Variants in PCBD2 observed in about 807,000 individuals in gnomAD.
PCBD2 encodes the protein pterin-4 alpha-carbinolamine dehydratase 2.
PCBD2 carries 12 observed loss-of-function variants against 16.4 expected under a neutral mutation model. The observed-to-expected ratio is 0.73, with a 90% CI of 0.47 to 1.19. PCBD2 has a LOEUF of 1.19. Ranked by LOEUF, PCBD2 falls within the 50% of genes most tolerant of loss-of-function variation. The pLI, the probability that PCBD2 is intolerant of heterozygous loss-of-function variation, is 0.00. For missense variants in PCBD2, 138 were observed against 156.8 expected (o/e 0.88, Z 0.64); for synonymous variants, 58 against 61.8 (o/e 0.94, Z 0.29).
intron 2 of PCBD2, 104 bp from the exon 3 acceptor site, chr5:134,958,936 A>C: frequency 6.2e-6 from 5 of 802,310 alleles, no homozygotes; most frequent in Non-Finnish European, 8.1e-6. Context: ...AGGCTTCCCT[A>C]AGGATCCTTG....
chr5:134,906,143 G>A (rs1489758470), intron 1 of PCBD2, among the ~76,000 whole-genome samples: 1 of 149,008 alleles, frequency 6.7e-6, no homozygotes, highest in African/African-American at 2.5e-5. Flanking sequence ...CAAAGTGCTG[G>A]GATTACAGGC....
intron 2 of PCBD2, among the ~76,000 whole-genome samples, chr5:134,915,542 G>T (rs971311928): frequency 2.7e-4 from 40 of 149,400 alleles, no homozygotes; most frequent in African/African-American, 9.9e-4. Context: ...GAACTCCCTG[G>T]GCTCAGGCGA....
Position 134,960,584 on chromosome 5 carries a change from A to G in PCBD2, c.298-2A>G. On this transcript the variant is annotated splice_acceptor_variant, in intron 3 of 3. Transcript: ENST00000254908. LOFTEE classifies it high-confidence loss of function. The stretch of plus-strand genomic sequence containing the variant: ...TTTAAAAACTGCTTTTCTTTTTCTT[A>G]GGTCCAGATAACTCTCACCTCACAT... 2 of 1,589,892 alleles carry G rather than the reference A, an allele frequency of 1.3e-6. No individual in the cohort carries two copies. Among genetic ancestry groups the G allele is most frequent in the Non-Finnish European group, 1.7e-6 (2 of 1,167,134 alleles).
intron 2 of PCBD2, chr5:134,924,005 GTTAA>G (rs1418753671): frequency 1.3e-5 from 5 of 394,782 alleles, no homozygotes; most frequent in African/African-American, 8.2e-5. Context: ...TAAATGAGCG[GTTAA>G]TTAATTTTAT....
chr5:134,937,899 A>G (rs1751179556), intron 2 of PCBD2, among the ~76,000 whole-genome samples: 1 of 152,236 alleles, frequency 6.6e-6, no homozygotes, highest in Admixed American at 6.5e-5. Context: ...ATGGCAAACC[A>G]TCTTATACAT....
At chr5:134,905,322 C>A in intron 1 of PCBD2, 99 bp downstream of exon 1, 3 of 1,061,742 alleles carry the variant, frequency 2.8e-6, no homozygotes, top group Non-Finnish European at 3.6e-6. Flanking sequence ...GGGGCGAACC[C>A]GGCGTGGGCC....
chr5:134,937,036 C>A (rs1159273215), intron 2 of PCBD2, among the ~76,000 whole-genome samples: 1 of 152,190 alleles, frequency 6.6e-6, no homozygotes, highest in African/African-American at 2.4e-5. Context: ...TGTGCATTGA[C>A]TTAAAAGGCA....
At chr5:134,920,211 G>A (rs1008301548) in intron 2 of PCBD2, among the ~76,000 whole-genome samples, 1 of 152,048 alleles carries the variant, frequency 6.6e-6, no homozygotes, top group Non-Finnish European at 1.5e-5. Flanking sequence ...GTTAGAGTGG[G>A]GCATTCTGAC....
At chr5:134,930,636 A>G (rs1390002562) in intron 2 of PCBD2, among the ~76,000 whole-genome samples, 3 of 152,192 alleles carry the variant, frequency 2.0e-5, no homozygotes, top group Admixed American at 6.5e-5. Context: ...GTCTCTAGTC[A>G]GTTGTCTCCA....
At chr5:134,907,780 G>A (rs1443839906) in intron 1 of PCBD2, among the ~76,000 whole-genome samples, 1 of 149,342 alleles carries the variant, frequency 6.7e-6, no homozygotes, top group Non-Finnish European at 1.5e-5. Context: ...CTGCCACCAC[G>A]CCCAGCTAAT....
intron 2 of PCBD2, among the ~76,000 whole-genome samples, chr5:134,953,797 T>C (rs1751385293): frequency 6.6e-6 from 1 of 152,214 alleles, no homozygotes. Context: ...TGAGACTCCA[T>C]CTTAATAACA....
chr5:134,906,131 C>A (rs1039770231), intron 1 of PCBD2, among the ~76,000 whole-genome samples: 2 of 151,790 alleles, frequency 1.3e-5, no homozygotes, highest in African/African-American at 4.8e-5. Context: ...GCCTCGGCCT[C>A]CCAAAGTGCT....
intron 2 of PCBD2, among the ~76,000 whole-genome samples, chr5:134,952,267 C>T (rs770845156): frequency 2.7e-5 from 4 of 150,670 alleles, no homozygotes; most frequent in Non-Finnish European, 4.4e-5. Context: ...TATATTCTAT[C>T]GTATTAAGGA....
At chr5:134,959,453 A>G (rs1751450955) in intron 3 of PCBD2, among the ~76,000 whole-genome samples, 1 of 152,234 alleles carries the variant, frequency 6.6e-6, no homozygotes, top group African/African-American at 2.4e-5. Flanking sequence ...GTAGCAAATC[A>G]GATAGATATG....
At chr5:134,927,995 CAGT>C (rs1751038514) in intron 2 of PCBD2, 2 of 396,032 alleles carry the variant, frequency 5.1e-6, no homozygotes, top group Non-Finnish European at 8.9e-6. Context: ...AGAGTCATGT[CAGT>C]GGTAGTAATA....
rs1261784735 is a variant in PCBD2 at position 134,940,831 on chromosome 5, A to AT, written c.217-18208dup. Among the ~76,000 whole-genome samples the AT allele has an allele frequency of 2.0e-5, 3 of 152,264 alleles. No individual in the cohort carries two copies. The South Asian group carries it at 6.2e-4, about 32-fold the overall frequency. On this transcript the variant is annotated intron_variant, in intron 2 of 3. Transcript: ENST00000254908. ...TGTGACAGGAAGAAGTATTTTGAGC[A>AT]TAAGAACTTGGTTCCTGGCCGGGCA... is the stretch of plus-strand genomic sequence containing the variant.
Position 134,910,444 on chromosome 5 carries a change from TCTC to T in PCBD2, c.197_199del (p.Ser66del). 1 of 1,614,108 alleles carries T rather than the reference TCTC, an allele frequency of 6.2e-7. No individual in the cohort carries two copies. The highest frequency in any genetic ancestry group is 2.2e-5 in the East Asian group (1 of 44,882). ...GAGAGAGATGCCATCTACAAAGAATTCTCCTTCCACAATTTTAATCAGGTAATT... is the reference window on the plus strand; with the variant it reads ...GAGAGAGATGCCATCTACAAAGAATTCTTCCACAATTTTAATCAGGTAATT... On this transcript the variant is annotated inframe_deletion, in exon 2 of 4. Transcript: ENST00000254908.
chr5:134,911,317 C>T (rs1750766157), intron 2 of PCBD2, among the ~76,000 whole-genome samples: 2 of 151,834 alleles, frequency 1.3e-5, no homozygotes. Context: ...AACCTGACCT[C>T]CCCCTTGGAA....
At chr5:134,949,787 A>T (rs1751339109) in intron 2 of PCBD2, among the ~76,000 whole-genome samples, 1 of 152,240 alleles carries the variant, frequency 6.6e-6, no homozygotes, top group Non-Finnish European at 1.5e-5. Context: ...GACAGTGTTT[A>T]TGTGATTGAT....
Sources: allele counts gnomAD v4.1 joint callset (sites outside exome capture counted in the v4.1 genomes callset), GRCh38; gene constraint gnomAD v4.1.1; transcripts MANE v1.5; gene names NCBI Gene and HGNC (gene_info 2026-07-23, HGNC 2026-07-21).